The following PEX2 variants were observed in gnomAD, a reference collection of about 807,000 sequenced individuals.
The protein encoded by PEX2 is peroxisome biogenesis factor 2.
A neutral mutation model predicts 25.2 loss-of-function variants in PEX2; 19 were observed. The observed-to-expected ratio is 0.75, with a 90% CI of 0.53 to 1.10. The LOEUF is 1.10. Among genes scored for constraint, PEX2 ranks in the 50% least tolerant of loss-of-function variants. The probability of loss-of-function intolerance (pLI) is 0.00; values close to 1 mark genes in which losing one functional copy is unlikely to be tolerated. For missense variants in PEX2, 347 were observed against 350.6 expected (o/e 0.99, Z 0.08); for synonymous variants, 141 against 127.7 (o/e 1.10, Z -0.70).
At position 76,983,970 on chromosome 8, in the gene PEX2, T is replaced by C. The variant is rs35689779; in HGVS notation, c.209A>G (p.Tyr70Cys). ...CTGTCCCACTGTGGCATTTTTGGAGTAGATGGTGAATCTCCACAAGAAAAC... is the reference window on the plus strand; with the variant it reads ...CTGTCCCACTGTGGCATTTTTGGAGCAGATGGTGAATCTCCACAAGAAAAC... ...LWVFLWRFTI[Y>C]SKNATVGQSV... Residue 70 changes from tyrosine to cysteine, a missense_variant, in exon 4 of 4, where the codon TAC becomes TGC. Coordinates refer to ENST00000357039, the MANE Select transcript of PEX2 (RefSeq NM_000318.3). 662 of 1,614,050 alleles carry C rather than the reference T, an allele frequency of 4.1e-4. 1 individual carries two copies. In the African/African-American group the frequency reaches 8.1e-3, roughly 20 times the overall value.
chr8:76,984,944 C>T (rs895840996), intron 3 of PEX2, among the ~76,000 whole-genome samples: 1 of 151,554 alleles, frequency 6.6e-6, no homozygotes, highest in Non-Finnish European at 1.5e-5. Flanking sequence ...CACAATAATG[C>T]CATAAATAGA....
chr8:77,000,575 G>C (rs1173830061), upstream of PEX2, among the ~76,000 whole-genome samples: 2 of 152,212 alleles, frequency 1.3e-5, no homozygotes, highest in African/African-American at 2.4e-5. Context: ...TGGCTGCGTC[G>C]GGCCTGGGGC....
At chr8:76,995,928 A>AAAC (rs1807313872) in intron 1 of PEX2, among the ~76,000 whole-genome samples, 3 of 113,796 alleles carry the variant, frequency 2.6e-5, no homozygotes, top group Non-Finnish European at 5.8e-5. Context: ...AAGAAACAAA[A>AAAC]AAAAGCAACT....
At position 76,981,762 on chromosome 8, in the gene PEX2, T is replaced by G. The variant is rs1806833728; in HGVS notation, c.*1499A>C. 6.6e-6 allele frequency: 1 copy of G among 152,218 alleles called. No homozygotes were observed. Among genetic ancestry groups the G allele is most frequent in the South Asian group, 2.1e-4 (1 of 4,828 alleles). The allele number at this position is 152,218 out of a possible 1,614,324, so 9.4% of individuals were successfully genotyped here. ...AATTGTGGGAAAGTTGATTTTATAT[T>G]TTTTCCTGAATTGTTGGTGTTTTCT... On this transcript the variant is annotated 3_prime_UTR_variant, in exon 4 of 4. Transcript: ENST00000357039.
rs146545293 is a variant in PEX2 at position 76,995,427 on chromosome 8, A to G, written c.-160+4563T>C. On this transcript the variant is annotated intron_variant, in intron 1 of 3. Transcript: ENST00000357039. Reference sequence around the variant, plus strand: ...AAAATGTATCTGAAAGATAAACTTCAAAGTTGCACATATTTCTCAAAAATA... The same window carrying G: ...AAAATGTATCTGAAAGATAAACTTCGAAGTTGCACATATTTCTCAAAAATA... 2.1e-3 allele frequency among the ~76,000 whole-genome samples: 319 copies of G among 152,336 alleles called. 2 individuals are homozygous for G. Among genetic ancestry groups the G allele is most frequent in the Admixed American group, 9.8e-3 (150 of 15,294 alleles).
In PEX2 at chr8:76,980,729, G is replaced by A. The variant is rs1048812814; in HGVS notation, c.*2532C>T. ...GAGCTTCTAGCGGCCATCATTCTGT[G>A]TGAGAATGAAACCGACTCAGAGTAA... On this transcript the variant is annotated 3_prime_UTR_variant, in exon 4 of 4. Transcript: ENST00000357039. 6.6e-6 allele frequency: 1 copy of A among 152,208 alleles called. No homozygotes were observed. Among genetic ancestry groups the A allele is most frequent in the African/African-American group, 2.4e-5 (1 of 41,464 alleles). The allele number at this position is 152,208 out of a possible 1,614,324, so 9.4% of individuals were successfully genotyped here.
At chr8:76,986,969 T>C (rs1024658760) in intron 2 of PEX2, among the ~76,000 whole-genome samples, 1 of 152,164 alleles carries the variant, frequency 6.6e-6, no homozygotes, top group Non-Finnish European at 1.5e-5. Flanking sequence ...AATAAATGAA[T>C]AGGATGAAAG....
chr8:76,984,415 T>A (rs1806945714), intron 3 of PEX2, among the ~76,000 whole-genome samples: 1 of 152,128 alleles, frequency 6.6e-6, no homozygotes, highest in African/African-American at 2.4e-5. Flanking sequence ...TTTTCTTAAT[T>A]TCTTTTTCTT....
intron 1 of PEX2, among the ~76,000 whole-genome samples, chr8:76,995,716 T>C (rs1001441053): frequency 2.0e-5 from 3 of 152,212 alleles, no homozygotes; most frequent in African/African-American, 7.2e-5. Flanking sequence ...ATGGCACTCA[T>C]ATTTTTTTCT....
intron 1 of PEX2, among the ~76,000 whole-genome samples, chr8:76,994,680 C>A (rs1807269835): frequency 6.6e-6 from 1 of 152,174 alleles, no homozygotes; most frequent in African/African-American, 2.4e-5. Context: ...GTCATACCCA[C>A]TCATGCACCC....
rs1806905614 is a variant in PEX2, at chr8:76,983,602, T to C, written c.577A>G (p.Arg193Gly). 20 of 1,613,992 alleles carry C rather than the reference T, an allele frequency of 1.2e-5. No individual in the cohort carries two copies. The highest frequency in any genetic ancestry group is 1.4e-5 in the Non-Finnish European group (16 of 1,179,970). The change falls in exon 4 of 4, where the codon AGG (arginine) becomes GGG (glycine). Residue 193 changes from arginine (R) to glycine (G), a missense_variant. By Grantham distance (125) the Arg-to-Gly change is moderately radical (BLOSUM62 -2). Coordinates refer to ENST00000357039, the MANE Select transcript of PEX2 (RefSeq NM_000318.3). Reference protein sequence around the residue: ...ICEVGFEYMNRELLWHGFAEF... With the variant: ...ICEVGFEYMNGELLWHGFAEF... ...GCAAAACCATGCCAGAGAAGTTCCCTATTCATGTATTCAAAGCCAACTTCA... is the reference window on the plus strand; with the variant it reads ...GCAAAACCATGCCAGAGAAGTTCCCCATTCATGTATTCAAAGCCAACTTCA...
intron 1 of PEX2, among the ~76,000 whole-genome samples, chr8:76,995,916 A>AAAAT (rs1211511387): frequency 1.6e-4 from 1 of 6,284 alleles, no homozygotes; most frequent in Non-Finnish European, 3.1e-4. Context: ...ATTGGCTAAA[A>AAAAT]AAAGAAACAA....
intron 3 of PEX2, among the ~76,000 whole-genome samples, chr8:76,985,305 G>A (rs1806972200): frequency 6.6e-6 from 1 of 152,072 alleles, no homozygotes; most frequent in Non-Finnish European, 1.5e-5. Context: ...GGTAGGGGCT[G>A]GGAGGGTGAG....
In PEX2 at chr8:76,983,853, C is replaced by CA. The variant is rs1052655986; in HGVS notation, c.325dup (p.Cys109LeufsTer14). The stretch of plus-strand genomic sequence containing the variant: ...TTCTAACCACCTGCCACCAATTGTA[C>CA]AAACAGCATACCAGATTTTTTGATT... On this transcript the variant is annotated frameshift_variant, in exon 4 of 4. Coordinates refer to ENST00000357039, the MANE Select transcript of PEX2 (RefSeq NM_000318.3). LOFTEE classifies it high-confidence loss of function. 26 of 1,613,994 alleles carry CA rather than the reference C, an allele frequency of 1.6e-5. No homozygotes were observed. Among genetic ancestry groups the CA allele is most frequent in the Non-Finnish European group, 2.2e-5 (26 of 1,180,000 alleles).
chr8:76,985,002 TA>T (rs1806963471), intron 3 of PEX2, among the ~76,000 whole-genome samples: 1 of 152,008 alleles, frequency 6.6e-6, no homozygotes, highest in Admixed American at 6.5e-5. Flanking sequence ...AAATGAAATA[TA>T]AGAAGCTGAA....
chr8:76,999,156 A>G (rs895088169), intron 1 of PEX2, among the ~76,000 whole-genome samples: 3 of 152,202 alleles, frequency 2.0e-5, no homozygotes, highest in African/African-American at 7.2e-5. Context: ...GTAACACTTT[A>G]GGGGAAGGTG....
intron 1 of PEX2, among the ~76,000 whole-genome samples, chr8:76,993,163 T>C (rs771349574): frequency 2.6e-5 from 4 of 152,150 alleles, no homozygotes; most frequent in Non-Finnish European, 4.4e-5. Context: ...CCTAGCCACA[T>C]TGTAAAAAGA....
At position 76,999,987 on chromosome 8, in the gene PEX2, G is replaced by A. The variant is rs1172292477; in HGVS notation, c.-160+3C>T. On this transcript the variant is annotated splice_donor_region_variant and intron_variant, in intron 1 of 3. Coordinates refer to ENST00000357039, the MANE Select transcript of PEX2 (RefSeq NM_000318.3). ...ACTCCGGCTCTCTAGGGCAGACACT[G>A]ACCTTAGGAGTCTGCGAAACGCCCA... 4 of 456,072 alleles carry A rather than the reference G, an allele frequency of 8.8e-6. No homozygotes were observed. The highest frequency in any genetic ancestry group is 4.7e-5 in the Admixed American group (2 of 42,484). The allele number at this position is 456,072 out of a possible 1,614,324, so 28.3% of individuals were successfully genotyped here. A position where few individuals can be genotyped will look rare whatever the true frequency, so the allele number is the denominator to read the frequency against.
Position 76,983,374 on chromosome 8 carries a change from T to G in PEX2, c.805A>C (p.Lys269Gln), listed in dbSNP as rs776666472. The G allele has an allele frequency of 6.2e-7, 1 of 1,614,054 alleles. No individual in the cohort carries two copies. Among genetic ancestry groups the G allele is most frequent in the Admixed American group, 1.7e-5 (1 of 60,026 alleles). Residue 269 changes from lysine (K) to glutamine (Q), a missense_variant, in exon 4 of 4, where the codon AAG becomes CAG. By Grantham distance (53) the Lys-to-Gln change is moderately conservative. Transcript: ENST00000357039. ...CEHIFCYFCA[K>Q]SSFLFDVYFT... is the part of the protein sequence containing the mutation. ...TACACGTCAAATAAGAAACTACTCT[T>G]AGCACAGAAATAACAGAAAATATGC... is the stretch of plus-strand genomic sequence containing the variant.
Sources: gnomAD v4.1 joint callset for allele counts (sites outside exome capture counted in the v4.1 genomes callset) on GRCh38, gnomAD v4.1.1 for gene constraint, MANE v1.5 for transcripts, NCBI Gene and HGNC (gene_info 2026-07-23, HGNC 2026-07-21) for gene names.